Variants in ASIC2 observed in about 807,000 individuals in gnomAD.
ASIC2 encodes the protein acid-sensing ion channel 2.
ASIC2 carries 25 observed loss-of-function variants against 57.3 expected under a neutral mutation model. The ratio of observed to expected loss-of-function variants is 0.44; its 90% CI spans 0.32 to 0.61. ASIC2 has a LOEUF of 0.61. Among genes scored for constraint, ASIC2 ranks in the 20% least tolerant of loss-of-function variants. The probability of loss-of-function intolerance (pLI) is 0.06; values close to 1 mark genes in which losing one functional copy is unlikely to be tolerated. For synonymous variants in ASIC2, 319 were observed against 307.5 expected (o/e 1.04, Z -0.39); for missense variants, 641 against 738.1 (o/e 0.87, Z 1.52).
intron 1 of ASIC2, among the ~76,000 whole-genome samples, chr17:34,135,073 C>G (rs1285269885): frequency 1.3e-5 from 2 of 152,222 alleles, no homozygotes; most frequent in African/African-American, 4.8e-5. Context: ...AACTCCAAAG[C>G]CAAATGGAAT....
chr17:33,064,283 T>A (rs1175365862), intron 3 of ASIC2, among the ~76,000 whole-genome samples: 1 of 152,186 alleles, frequency 6.6e-6, no homozygotes, highest in Non-Finnish European at 1.5e-5. Flanking sequence ...TTCCCCATCT[T>A]TGTGGTTTTA....
chr17:34,033,420 A>C (rs7502383), intron 1 of ASIC2, among the ~76,000 whole-genome samples: 80,151 of 151,902 alleles, frequency 0.53, 23,766 homozygotes, highest in African/African-American at 0.81. Context: ...CAGGAAAGAT[A>C]TAAAATTGAC....
rs570421403 is a variant in ASIC2, at chr17:33,585,732, G to A, written c.556-473665C>T. 4.6e-5 allele frequency among the ~76,000 whole-genome samples: 7 copies of A among 152,336 alleles called. No individual in the cohort carries two copies. The East Asian group carries it at 1.2e-3, about 25-fold the overall frequency. ...CCTTTTTTGTTATGGCAACCAGGTA[G>A]GATGTTATAACCTGCATTTTAGTTT... On this transcript the variant is annotated intron_variant, in intron 1 of 9. Coordinates refer to the ASIC2 transcript ENST00000359872.
At chr17:33,208,967 A>G (rs1174860372) in intron 1 of ASIC2, among the ~76,000 whole-genome samples, 1 of 151,964 alleles carries the variant, frequency 6.6e-6, no homozygotes, top group Non-Finnish European at 1.5e-5. Context: ...CCTTCTCTAT[A>G]TATGTTTCCA....
chr17:33,375,678 C>T (rs1380815134), intron 1 of ASIC2, among the ~76,000 whole-genome samples: 1 of 152,100 alleles, frequency 6.6e-6, no homozygotes, highest in African/African-American at 2.4e-5. Flanking sequence ...GGGAAGGTCA[C>T]AGTGGCCTGA....
At chr17:33,950,094 G>A (rs1342960508) in intron 1 of ASIC2, among the ~76,000 whole-genome samples, 3 of 152,198 alleles carry the variant, frequency 2.0e-5, no homozygotes, top group East Asian at 3.9e-4. Context: ...GCTCTAAGAG[G>A]TTGAACCATA....
At chr17:33,284,091 CGT>C (rs1905059846) in intron 1 of ASIC2, among the ~76,000 whole-genome samples, 1 of 152,078 alleles carries the variant, frequency 6.6e-6, no homozygotes, top group Non-Finnish European at 1.5e-5. Context: ...GCTCAATAAA[CGT>C]GTGTGGAATC....
rs2092368243 is a variant in ASIC2, at chr17:33,136,672, TAA to T, written c.709-24607_709-24606del. Reference sequence around the variant, plus strand: ...GAGTCTGAAGAAGGGGCAAAATACTTAAAGAGTATGCATAACCCATGGCTTCT... The same window carrying T: ...GAGTCTGAAGAAGGGGCAAAATACTTAGAGTATGCATAACCCATGGCTTCT... On this transcript the variant is annotated intron_variant, in intron 1 of 9. Coordinates refer to ENST00000225823, the MANE Select transcript of ASIC2 (RefSeq NM_183377.2). Among the ~76,000 whole-genome samples the T allele has an allele frequency of 2.0e-5, 3 of 152,298 alleles. No individual in the cohort carries two copies. The South Asian group carries it at 6.2e-4, about 32-fold the overall frequency.
At chr17:33,347,115 T>C (rs369275551) in intron 1 of ASIC2, among the ~76,000 whole-genome samples, 14 of 152,082 alleles carry the variant, frequency 9.2e-5, no homozygotes, top group African/African-American at 2.4e-4. Flanking sequence ...GGTGGAATTA[T>C]AGAAGCAAGC....
chr17:33,132,958 G>A (rs1462542809), intron 1 of ASIC2, among the ~76,000 whole-genome samples: 7 of 152,176 alleles, frequency 4.6e-5, no homozygotes, highest in African/African-American at 9.7e-5. Context: ...TTTTGAGGTC[G>A]TTTATATAGA....
intron 1 of ASIC2, among the ~76,000 whole-genome samples, chr17:33,476,504 C>CATATATATATATATATATAT (rs67811038): frequency 1.1e-4 from 13 of 122,758 alleles, no homozygotes; most frequent in South Asian, 2.9e-4. Context: ...TGTGTGTGTG[C>CATATATATATATATATATAT]ATATATATAT....
intron 1 of ASIC2, among the ~76,000 whole-genome samples, chr17:33,317,058 C>T (rs964820278): frequency 2.6e-5 from 4 of 152,218 alleles, no homozygotes; most frequent in African/African-American, 4.8e-5. Context: ...TGCTTAGGCC[C>T]GATCTTGGGT....
intron 1 of ASIC2, among the ~76,000 whole-genome samples, chr17:33,846,632 C>A (rs1016358333): frequency 6.6e-6 from 1 of 152,082 alleles, no homozygotes; most frequent in Non-Finnish European, 1.5e-5. Context: ...GGATGTTTGC[C>A]GTTAAACACA....
At chr17:33,335,839 C>T (rs28392534) in intron 1 of ASIC2, among the ~76,000 whole-genome samples, 9,998 of 152,242 alleles carry the variant, frequency 0.066, 585 homozygotes, top group Admixed American at 0.16. Flanking sequence ...AAGACTCAGT[C>T]CTTACACTCC....
rs543597971 is a variant in ASIC2 at position 33,951,592 on chromosome 17, CT to C, written c.555+204385del. ...CTTTTCTTTTTTCTTTTCTTTTTTT[CT>C]TTTTTTTTCGATGGAGTCTCACTCT... On this transcript the variant is annotated intron_variant, in intron 1 of 9. Coordinates refer to the ASIC2 transcript ENST00000359872. 2.6e-3 allele frequency among the ~76,000 whole-genome samples: 389 copies of C among 149,388 alleles called. 5 individuals are homozygous for C. The highest frequency in any genetic ancestry group is 0.017 in the South Asian group (78 of 4,646).
At chr17:33,733,704 C>T (rs1909818891) in intron 1 of ASIC2, among the ~76,000 whole-genome samples, 1 of 152,184 alleles carries the variant, frequency 6.6e-6, no homozygotes. Flanking sequence ...ATATCCTTTT[C>T]CTCTCCCAGC....
intron 1 of ASIC2, among the ~76,000 whole-genome samples, chr17:33,914,132 G>GC (rs1915531658): frequency 6.6e-6 from 1 of 152,214 alleles, no homozygotes. Context: ...CCACAACATT[G>GC]CAAGAAAACA....
chr17:33,576,303 T>G (rs1403928548), intron 1 of ASIC2, among the ~76,000 whole-genome samples: 3 of 152,140 alleles, frequency 2.0e-5, no homozygotes, highest in African/African-American at 7.2e-5. Context: ...AAATCCTGTT[T>G]CTAGCCATTT....
intron 2 of ASIC2, chr17:33,100,405 C>G (rs76011594): frequency 3.3e-5 from 5 of 152,484 alleles, no homozygotes; most frequent in Non-Finnish European, 7.3e-5. Flanking sequence ...AACTCCCACA[C>G]GCTGCCCAGC....
Sources: gnomAD v4.1 joint callset for allele counts (sites outside exome capture counted in the v4.1 genomes callset) on GRCh38, gnomAD v4.1.1 for gene constraint, MANE v1.5 for transcripts, NCBI Gene and HGNC (gene_info 2026-07-23, HGNC 2026-07-21) for gene names.